The following PARVA variants were observed in gnomAD, a reference collection of about 807,000 sequenced individuals.
The protein encoded by PARVA is alpha-parvin.
Under a neutral mutation model 52.6 loss-of-function variants are expected in PARVA, and 25 were observed. The observed-to-expected ratio is 0.48, with a 90% confidence interval of 0.35 to 0.66. The LOEUF is 0.66. Among genes scored for constraint, PARVA ranks in the 30% least tolerant of loss-of-function variants. PARVA has a pLI of 0.01. For synonymous variants in PARVA, 185 were observed against 179.1 expected (o/e 1.03, Z -0.26); for missense variants, 373 against 450.9 (o/e 0.83, Z 1.56).
chr11:12,458,794 GGAGA>G (rs148676538), intron 1 of PARVA, among the ~76,000 whole-genome samples: 5 of 152,110 alleles, frequency 3.3e-5, no homozygotes, highest in Non-Finnish European at 5.9e-5. Context: ...CTGGAAGTGT[GGAGA>G]GAGAGAACTC....
intron 4 of PARVA, chr11:12,478,229 T>C: frequency 2.1e-6 from 1 of 480,488 alleles, no homozygotes; most frequent in Non-Finnish European, 3.9e-6. Flanking sequence ...TGTATATTAA[T>C]AACTAGAAAG....
chr11:12,495,152 C>T (rs766079678), intron 4 of PARVA, among the ~76,000 whole-genome samples: 1 of 152,150 alleles, frequency 6.6e-6, no homozygotes, highest in Non-Finnish European at 1.5e-5. Context: ...TAGATTTATT[C>T]TTGTTAAATC....
At chr11:12,422,320 G>A (rs764210770) in intron 1 of PARVA, among the ~76,000 whole-genome samples, 18 of 152,144 alleles carry the variant, frequency 1.2e-4, no homozygotes, top group Middle Eastern at 3.4e-3. Flanking sequence ...CTTTCTGTGG[G>A]TCTCTTTTTT....
intron 1 of PARVA, chr11:12,452,951 G>A: frequency 2.2e-6 from 1 of 454,852 alleles, no homozygotes; most frequent in Non-Finnish European, 4.4e-6. Context: ...AAACCACAGG[G>A]AGGGGGTCAG....
At chr11:12,395,182 G>A (rs991418181) in intron 1 of PARVA, among the ~76,000 whole-genome samples, 1 of 151,752 alleles carries the variant, frequency 6.6e-6, no homozygotes, top group African/African-American at 2.4e-5. Flanking sequence ...ATTCACGTTT[G>A]GTTGAAAAAA....
intron 1 of PARVA, among the ~76,000 whole-genome samples, chr11:12,467,417 G>A (rs1457604104): frequency 6.6e-6 from 1 of 152,128 alleles, no homozygotes; most frequent in Admixed American, 6.5e-5. Flanking sequence ...TTTTGAATAG[G>A]CATGGTGAGA....
At chr11:12,518,913 T>C (rs1941606096) in intron 12 of PARVA, among the ~76,000 whole-genome samples, 1 of 152,174 alleles carries the variant, frequency 6.6e-6, no homozygotes, top group South Asian at 2.1e-4. Flanking sequence ...CTTCTCTCCT[T>C]ACAGATGCGG....
rs752596684 is a variant in PARVA at position 12,377,632 on chromosome 11, C to G, written c.-16C>G. 2.6e-6 allele frequency: 4 copies of G among 1,564,456 alleles called. No individual in the cohort carries two copies. Among genetic ancestry groups the G allele is most frequent in the Admixed American group, 3.9e-5 (2 of 51,454 alleles). ...GCTCCGCGTCCCGACCGGCCCGCGG[C>G]AGCCTGCGCCGCGCCATGGCCACCT... On this transcript the variant is annotated 5_prime_UTR_variant, in exon 1 of 13. Coordinates refer to ENST00000334956, the MANE Select transcript of PARVA (RefSeq NM_018222.5).
chr11:12,508,005 C>T (rs774805282), intron 6 of PARVA, among the ~76,000 whole-genome samples: 7 of 147,200 alleles, frequency 4.8e-5, no homozygotes, highest in Non-Finnish European at 7.4e-5. Context: ...GACGGACGGA[C>T]GAGTTTCTAA....
rs1564857527 is a variant in PARVA, at chr11:12,478,031, C to A, written c.400+82C>A. On this transcript the variant is annotated intron_variant, in intron 4 of 12. Transcript: ENST00000334956. ...CTACTTGTAGCTAGAAGGAGTTATTCTCAGTTTACAGTGGCTTACCTGGAA... is the reference window on the plus strand; with the variant it reads ...CTACTTGTAGCTAGAAGGAGTTATTATCAGTTTACAGTGGCTTACCTGGAA... 3.6e-6 allele frequency: 3 copies of A among 823,578 alleles called. No homozygotes were observed. In the African/African-American group the frequency reaches 5.0e-5, roughly 14 times the overall value. 51.0% of individuals were successfully genotyped at this position (823,578 alleles called of 1,614,324 possible).
chr11:12,525,054 C>A (rs760905142), intron 12 of PARVA, among the ~76,000 whole-genome samples: 1 of 152,090 alleles, frequency 6.6e-6, no homozygotes, highest in African/African-American at 2.4e-5. Flanking sequence ...ACAGCATAGG[C>A]GGAGGCCAAG....
At chr11:12,390,833 A>T (rs1939648653) in intron 1 of PARVA, among the ~76,000 whole-genome samples, 1 of 152,250 alleles carries the variant, frequency 6.6e-6, no homozygotes, top group African/African-American at 2.4e-5. Flanking sequence ...AAGCAGGGGC[A>T]GCAGGAACCA....
chr11:12,401,293 C>G (rs1939824059), intron 1 of PARVA, among the ~76,000 whole-genome samples: 2 of 152,140 alleles, frequency 1.3e-5, no homozygotes. Context: ...TAATAAATAT[C>G]TACAGAAAAA....
intron 1 of PARVA, among the ~76,000 whole-genome samples, chr11:12,436,240 T>C (rs1940386458): frequency 6.6e-6 from 1 of 152,230 alleles, no homozygotes; most frequent in African/African-American, 2.4e-5. Flanking sequence ...TGAGCCCATA[T>C]AGTGAAATTC....
chr11:12,511,613 G>A, intron 8 of PARVA, 80 bp downstream of exon 8: 2 of 1,442,240 alleles, frequency 1.4e-6, no homozygotes, highest in Non-Finnish European at 1.9e-6. Flanking sequence ...GGGAGGAACA[G>A]GCTCTCAGCT....
At chr11:12,382,750 TATTC>T (rs1369956659) in intron 1 of PARVA, among the ~76,000 whole-genome samples, 1 of 152,228 alleles carries the variant, frequency 6.6e-6, no homozygotes, top group African/African-American at 2.4e-5. Context: ...TTCAACCCCT[TATTC>T]ATTCTATGAC....
At chr11:12,461,835 C>T (rs1282065779) in intron 1 of PARVA, among the ~76,000 whole-genome samples, 1 of 152,130 alleles carries the variant, frequency 6.6e-6, no homozygotes, top group Non-Finnish European at 1.5e-5. Context: ...ATCACAACAC[C>T]GCCTCTAAGT....
intron 1 of PARVA, among the ~76,000 whole-genome samples, chr11:12,451,563 G>A (rs974957166): frequency 6.6e-6 from 1 of 152,014 alleles, no homozygotes; most frequent in Non-Finnish European, 1.5e-5. Context: ...TTCTGGGGAG[G>A]TATAATATGA....
intron 1 of PARVA, among the ~76,000 whole-genome samples, chr11:12,404,332 C>G (rs1939872416): frequency 6.6e-6 from 1 of 152,046 alleles, no homozygotes; most frequent in Non-Finnish European, 1.5e-5. Flanking sequence ...CCATTTGTTG[C>G]AGGGATGCTG....
Sources: allele counts gnomAD v4.1 joint callset (sites outside exome capture counted in the v4.1 genomes callset), GRCh38; gene constraint gnomAD v4.1.1; transcripts MANE v1.5; gene names NCBI Gene and HGNC (gene_info 2026-07-23, HGNC 2026-07-21).